Variants in CAPN13 observed in about 807,000 individuals in gnomAD.
CAPN13 encodes the protein calpain-13.
A neutral mutation model predicts 98.4 loss-of-function variants in CAPN13; 90 were observed. That is an observed-to-expected ratio of 0.92 (90% CI 0.77 to 1.09). The LOEUF is 1.09. Ranked by LOEUF, CAPN13 falls within the 50% of genes least tolerant of loss-of-function variation. The pLI, the probability that CAPN13 is intolerant of heterozygous loss-of-function variation, is 0.00. For synonymous variants in CAPN13, 330 were observed against 305.5 expected (o/e 1.08, Z -0.84); for missense variants, 887 against 841.3 (o/e 1.05, Z -0.67).
intron 1 of CAPN13, among the ~76,000 whole-genome samples, chr2:30,800,724 C>G (rs912007031): frequency 1.3e-5 from 2 of 152,152 alleles, no homozygotes; most frequent in African/African-American, 4.8e-5. Context: ...TTATTTCTTT[C>G]AATTAAGTTT....
At chr2:30,742,153 T>C (rs1671693922) in intron 14 of CAPN13, among the ~76,000 whole-genome samples, 173 bp downstream of exon 14, 1 of 152,210 alleles carries the variant, frequency 6.6e-6, no homozygotes, top group East Asian at 1.9e-4. Context: ...AGCCTGGCCT[T>C]GGAGGCCTGG....
chr2:30,784,147 TCTAGC>T (rs1674137395), intron 2 of CAPN13, among the ~76,000 whole-genome samples: 1 of 151,430 alleles, frequency 6.6e-6, no homozygotes, highest in Non-Finnish European at 1.5e-5. Flanking sequence ...GCCACTGCAC[TCTAGC>T]CTGGGCAACA....
intron 2 of CAPN13, among the ~76,000 whole-genome samples, chr2:30,784,808 G>T (rs1279919678): frequency 6.6e-6 from 1 of 152,160 alleles, no homozygotes; most frequent in Non-Finnish European, 1.5e-5. Context: ...GCAAAATGAG[G>T]CTCACAACAG....
rs80265679 is a variant in CAPN13 at position 30,762,610 on chromosome 2, T to C, written c.774+472A>G. 6.0e-3 allele frequency among the ~76,000 whole-genome samples: 910 copies of C among 152,344 alleles called. 13 individuals carry two copies. The highest frequency in any genetic ancestry group is 0.021 in the African/African-American group (866 of 41,588). On this transcript the variant is annotated intron_variant, in intron 7 of 22. Transcript: ENST00000295055. ...ATGGATGGAAGCTCCATGTCGAGGA[T>C]GGCAGAGCCACCTACTAGTCCTGGC... is the stretch of plus-strand genomic sequence containing the variant.
intron 12 of CAPN13, 108 bp from the exon 13 acceptor site, chr2:30,743,687 A>AG: frequency 1.1e-6 from 1 of 930,572 alleles, no homozygotes; most frequent in Non-Finnish European, 1.7e-6. Context: ...TCACCAAGAT[A>AG]ACATTACAGG....
intron 8 of CAPN13, 23 bp from the exon 9 acceptor site, chr2:30,754,387 C>T: frequency 6.3e-7 from 1 of 1,581,882 alleles, no homozygotes; most frequent in Non-Finnish European, 8.6e-7. Flanking sequence ...ACACAAACCA[C>T]AGGGTGAGAT....
At chr2:30,738,134 T>C in intron 17 of CAPN13, 101 bp downstream of exon 17, 2 of 1,219,100 alleles carry the variant, frequency 1.6e-6, no homozygotes, top group Non-Finnish European at 2.4e-6. Flanking sequence ...GAGAAAATAC[T>C]GAGTGGGAAA....
rs1469057300 is a variant in CAPN13 at position 30,754,297 on chromosome 2, C to T, written c.934G>A (p.Glu312Lys). Residue 312 changes from glutamate to lysine, a missense_variant, in exon 9 of 23, where the codon GAG (glutamate) becomes AAG (lysine). Glu to Lys is a moderately conservative substitution (Grantham distance 56, BLOSUM62 1). Transcript: ENST00000295055. ...SQLHKKREDGEFWMSCQDFQQ... is the reference protein window; with the variant it reads ...SQLHKKREDGKFWMSCQDFQQ... ...TATAAGAAGGGTAAATACCAAAACT[C>T]GCCATCTTCCCGTTTCTTATGTAGC... 3.7e-6 allele frequency: 6 copies of T among 1,603,658 alleles called. No homozygotes were observed. The highest frequency in any genetic ancestry group is 2.3e-5 in the South Asian group (2 of 88,490).
chr2:30,729,829 G>A (rs376206744), intron 22 of CAPN13: 2 of 152,304 alleles, frequency 1.3e-5, no homozygotes, highest in South Asian at 2.1e-4. Flanking sequence ...GGTCGGCTGC[G>A]TGAAGAACTG....
At chr2:30,753,534 T>C (rs910748522) in intron 9 of CAPN13, among the ~76,000 whole-genome samples, 2 of 152,220 alleles carry the variant, frequency 1.3e-5, no homozygotes, top group African/African-American at 4.8e-5. Context: ...TCTAAGCTGC[T>C]AGGAAAATTG....
intron 22 of CAPN13, among the ~76,000 whole-genome samples, chr2:30,723,886 T>A (rs1031972706): frequency 6.6e-6 from 1 of 152,178 alleles, no homozygotes; most frequent in Non-Finnish European, 1.5e-5. Flanking sequence ...CCAAGATACA[T>A]GGTTAGAAAA....
Position 30,779,668 on chromosome 2 carries a change from A to G in CAPN13, c.199-2029T>C, listed in dbSNP as rs1034098507. Among the ~76,000 whole-genome samples, 5 of 152,200 alleles carry G rather than the reference A, an allele frequency of 3.3e-5. 1 individual carries two copies. In the South Asian group the frequency reaches 1.0e-3, roughly 32 times the overall value. On this transcript the variant is annotated intron_variant, in intron 2 of 22. Transcript: ENST00000295055. ...TCAGATGCATTCATTATTAAACAAGATAGAATAAAAACATGAATTTAGCAG... is the reference window on the plus strand; with the variant it reads ...TCAGATGCATTCATTATTAAACAAGGTAGAATAAAAACATGAATTTAGCAG...
intron 22 of CAPN13, among the ~76,000 whole-genome samples, chr2:30,725,457 A>G (rs1670826682): frequency 6.6e-6 from 1 of 152,170 alleles, no homozygotes; most frequent in South Asian, 2.1e-4. Context: ...TCTTACAACA[A>G]AAGTATACCT....
chr2:30,786,760 A>G (rs1674302935), intron 2 of CAPN13, among the ~76,000 whole-genome samples: 1 of 152,186 alleles, frequency 6.6e-6, no homozygotes, highest in Non-Finnish European at 1.5e-5. Flanking sequence ...AGATACTGAC[A>G]CCTGAAGAGA....
chr2:30,758,177 CA>C (rs766611216), intron 7 of CAPN13, 40 bp from the exon 8 acceptor site: 2 of 1,455,928 alleles, frequency 1.4e-6, no homozygotes, highest in South Asian at 2.5e-5. Context: ...TGCTCTACAG[CA>C]AAAGTCAGCA....
At chr2:30,783,524 A>C (rs1009478275) in intron 2 of CAPN13, among the ~76,000 whole-genome samples, 5 of 152,296 alleles carry the variant, frequency 3.3e-5, no homozygotes, top group Middle Eastern at 3.4e-3. Context: ...AGCCAGAGGA[A>C]GGAAAGGGTA....
At chr2:30,749,408 C>T (rs1179211730) in intron 11 of CAPN13, among the ~76,000 whole-genome samples, 2 of 152,218 alleles carry the variant, frequency 1.3e-5, no homozygotes, top group African/African-American at 4.8e-5. Flanking sequence ...GTGAGGCCCT[C>T]TTATTAGTGT....
intron 1 of CAPN13, among the ~76,000 whole-genome samples, chr2:30,800,625 AG>A (rs1169064517): frequency 5.3e-5 from 8 of 152,188 alleles, no homozygotes; most frequent in Admixed American, 1.3e-4. Context: ...TTCTACTGTA[AG>A]ATTCTGTATT....
chr2:30,758,779 TCCC>T (rs1199872180), intron 7 of CAPN13, among the ~76,000 whole-genome samples: 2 of 36,538 alleles, frequency 5.5e-5, no homozygotes, highest in South Asian at 7.9e-4. Flanking sequence ...CCTTCCTCCC[TCCC>T]TCCCTTTCCT....
Sources: gnomAD v4.1 joint callset for allele counts (sites outside exome capture counted in the v4.1 genomes callset) on GRCh38, gnomAD v4.1.1 for gene constraint, MANE v1.5 for transcripts, NCBI Gene and HGNC (gene_info 2026-07-23, HGNC 2026-07-21) for gene names.